Variants in AKIRIN1 observed in about 807,000 individuals in gnomAD.
The protein encoded by AKIRIN1 is akirin 1.
A neutral mutation model predicts 25.9 loss-of-function variants in AKIRIN1; 4 were observed. The ratio of observed to expected loss-of-function variants is 0.15; its 90% confidence interval spans 0.08 to 0.35. AKIRIN1 has a LOEUF of 0.35. Ranked by LOEUF, AKIRIN1 falls within the 10% of genes least tolerant of loss-of-function variation. The pLI is 1.00. For missense variants in AKIRIN1, 243 were observed against 266.1 expected (o/e 0.91, Z 0.61); for synonymous variants, 125 against 105.1 (o/e 1.19, Z -1.16).
intron 1 of AKIRIN1, among the ~76,000 whole-genome samples, chr1:38,994,623 A>G (rs1434523578): frequency 6.8e-6 from 1 of 146,152 alleles, no homozygotes; most frequent in Non-Finnish European, 1.5e-5. Context: ...CTCCTGCCTC[A>G]GCCTCCCCAG....
chr1:39,000,341 TTTTC>T (rs1643980088), intron 2 of AKIRIN1, among the ~76,000 whole-genome samples: 1 of 121,188 alleles, frequency 8.3e-6, no homozygotes. Context: ...TTTTTTTTCT[TTTTC>T]TTTTTTTTTT....
intron 3 of AKIRIN1, among the ~76,000 whole-genome samples, chr1:39,002,469 G>A (rs931291612): frequency 1.3e-5 from 2 of 152,126 alleles, no homozygotes; most frequent in African/African-American, 4.8e-5. Context: ...AGTGGCTCAC[G>A]CCTGTAATCC....
At chr1:39,001,700 C>G (rs966362508) in intron 3 of AKIRIN1, among the ~76,000 whole-genome samples, 1 of 152,102 alleles carries the variant, frequency 6.6e-6, no homozygotes. Context: ...CACACCTTGC[C>G]CAGTGGGAGG....
intron 3 of AKIRIN1, among the ~76,000 whole-genome samples, chr1:39,002,960 T>C (rs1644005830): frequency 6.6e-6 from 1 of 152,236 alleles, no homozygotes; most frequent in Non-Finnish European, 1.5e-5. Flanking sequence ...CCACTCATGT[T>C]TTTCACTCAA....
intron 1 of AKIRIN1, among the ~76,000 whole-genome samples, chr1:38,993,796 C>T (rs1414550472): frequency 6.6e-6 from 1 of 151,926 alleles, no homozygotes; most frequent in African/African-American, 2.4e-5. Context: ...TAAGGCCGGG[C>T]GCAGTGGCTC....
chr1:38,993,010 T>G (rs974390170), intron 1 of AKIRIN1, among the ~76,000 whole-genome samples: 1 of 152,208 alleles, frequency 6.6e-6, no homozygotes, highest in African/African-American at 2.4e-5. Context: ...AGATGGCCAC[T>G]TGCAGTGATG....
intron 3 of AKIRIN1, among the ~76,000 whole-genome samples, chr1:39,002,119 C>A (rs1294138555): frequency 6.6e-6 from 1 of 152,214 alleles, no homozygotes; most frequent in African/African-American, 2.4e-5. Flanking sequence ...AAGCACAAAT[C>A]TCATCATACT....
At position 39,004,859 on chromosome 1, in the gene AKIRIN1, CTG is replaced by C. The variant is rs1402288467; in HGVS notation, c.*805_*806del. The C allele has an allele frequency of 6.5e-6, 1 of 152,776 alleles. No homozygotes were observed. 9.5% of individuals were successfully genotyped at this position (152,776 alleles called of 1,614,324 possible). On this transcript the variant is annotated 3_prime_UTR_variant, in exon 5 of 5. Transcript: ENST00000432648. ...CAATTATCATAGAGCTCCCTGGACA[CTG>C]AACCTCTAAAGGGAAAAGGTCTACC...
In AKIRIN1 at chr1:39,005,960, T is replaced by C. The variant is rs1241606993; in HGVS notation, c.*1905T>C. ...ACTTATGTGAGAGCTGCTATAACCA[T>C]TTCCCCAGTTCAACATTGCATTGAA... On this transcript the variant is annotated 3_prime_UTR_variant, in exon 5 of 5. Coordinates refer to ENST00000432648, the MANE Select transcript of AKIRIN1 (RefSeq NM_024595.3). The C allele has an allele frequency of 6.6e-6, 1 of 152,130 alleles. No homozygotes were observed. Among genetic ancestry groups the C allele is most frequent in the Non-Finnish European group, 1.5e-5 (1 of 68,022 alleles). 9.4% of individuals were successfully genotyped at this position (152,130 alleles called of 1,614,324 possible).
At chr1:39,002,990 CAAGG>C (rs1303199746) in intron 3 of AKIRIN1, among the ~76,000 whole-genome samples, 2 of 152,182 alleles carry the variant, frequency 1.3e-5, no homozygotes, top group African/African-American at 4.8e-5. Context: ...AAATTTATAA[CAAGG>C]AAAGAGTTTC....
intron 3 of AKIRIN1, among the ~76,000 whole-genome samples, chr1:39,001,570 C>CT (rs901943041): frequency 6.6e-6 from 1 of 152,132 alleles, no homozygotes; most frequent in East Asian, 1.9e-4. Context: ...CTGGCCAAGA[C>CT]TTTGTTTTTT....
intron 4 of AKIRIN1, 89 bp downstream of exon 4, chr1:39,003,507 C>T: frequency 7.9e-7 from 1 of 1,266,888 alleles, no homozygotes; most frequent in Non-Finnish European, 1.1e-6. Context: ...TAAAAAGTCC[C>T]TGTGAAGTAA....
At chr1:39,001,764 T>C (rs1008077105) in intron 3 of AKIRIN1, among the ~76,000 whole-genome samples, 1 of 152,186 alleles carries the variant, frequency 6.6e-6, no homozygotes, top group African/African-American at 2.4e-5. Flanking sequence ...GCAAGAATTT[T>C]CCATATCAAT....
intron 1 of AKIRIN1, among the ~76,000 whole-genome samples, chr1:38,994,176 G>A (rs1278313940): frequency 6.6e-6 from 1 of 152,088 alleles, no homozygotes; most frequent in East Asian, 1.9e-4. Flanking sequence ...GACACTCAAA[G>A]GAAATACTTA....
intron 3 of AKIRIN1, among the ~76,000 whole-genome samples, chr1:39,002,944 C>T (rs1644005731): frequency 6.6e-6 from 1 of 152,210 alleles, no homozygotes; most frequent in Non-Finnish European, 1.5e-5. Context: ...CCATCCCACA[C>T]TTCTTCCACT....
intron 3 of AKIRIN1, among the ~76,000 whole-genome samples, chr1:39,001,963 A>G (rs1211037948): frequency 1.3e-5 from 2 of 152,240 alleles, no homozygotes; most frequent in African/African-American, 2.4e-5. Context: ...AAGCAAGGCT[A>G]GGGCAGGTTA....
rs540498199 is a variant in AKIRIN1 at position 39,004,148 on chromosome 1, A to G, written c.*93A>G. 4.4e-6 allele frequency: 6 copies of G among 1,378,304 alleles called. No individual in the cohort carries two copies. The highest frequency in any genetic ancestry group is 3.5e-5 in the South Asian group (3 of 86,080). The allele number at this position is 1,378,304 out of a possible 1,614,324, so 85.4% of individuals were successfully genotyped here. A position where few individuals can be genotyped will look rare whatever the true frequency, so the allele number is the denominator to read the frequency against. ...GGTTTGATGTCACATTTCAGCTCCA[A>G]CTTTGCATCCTGAGAACACTTAAAC... On this transcript the variant is annotated 3_prime_UTR_variant, in exon 5 of 5. Transcript: ENST00000432648.
chr1:38,997,552 C>T (rs181521466), intron 1 of AKIRIN1, among the ~76,000 whole-genome samples: 45 of 151,554 alleles, frequency 3.0e-4, no homozygotes, highest in African/African-American at 9.2e-4. Flanking sequence ...TTTTTTGAGA[C>T]GAGATTTTGC....
At chr1:38,996,319 C>T (rs1643947953) in intron 1 of AKIRIN1, among the ~76,000 whole-genome samples, 1 of 152,042 alleles carries the variant, frequency 6.6e-6, no homozygotes, top group Non-Finnish European at 1.5e-5. Context: ...TCTCGAACCT[C>T]AGGTGATCCA....
Sources: allele counts gnomAD v4.1 joint callset (sites outside exome capture counted in the v4.1 genomes callset), GRCh38; gene constraint gnomAD v4.1.1; transcripts MANE v1.5; gene names NCBI Gene and HGNC (gene_info 2026-07-23, HGNC 2026-07-21).